The following OSBPL1A variants were observed in gnomAD, a reference collection of about 807,000 sequenced individuals.
OSBPL1A encodes oxysterol binding protein like 1A.
Under a neutral mutation model 137.1 loss-of-function variants are expected in OSBPL1A, and 80 were observed. That is an observed-to-expected ratio of 0.58 (90% CI 0.49 to 0.70). The LOEUF (loss-of-function observed/expected upper bound fraction) is 0.70, where lower values mean the gene tolerates loss of function less well. OSBPL1A is among the 30% of genes least tolerant of loss of function. OSBPL1A has a pLI of 0.00. For synonymous variants in OSBPL1A, 365 were observed against 389.7 expected (o/e 0.94, Z 0.75); for missense variants, 970 against 1,129.4 (o/e 0.86, Z 2.02).
intron 18 of OSBPL1A, among the ~76,000 whole-genome samples, chr18:24,186,980 C>T (rs150000667): frequency 6.5e-4 from 98 of 151,386 alleles, no homozygotes; most frequent in South Asian, 1.3e-3. Flanking sequence ...AGCCTCATAC[C>T]GCAGCAGCTG....
chr18:24,242,363 A>C (rs1024824848), intron 15 of OSBPL1A, among the ~76,000 whole-genome samples: 3 of 152,028 alleles, frequency 2.0e-5, no homozygotes, highest in Admixed American at 6.6e-5. Flanking sequence ...GAAAGAAAAG[A>C]AAAGCACTGG....
At chr18:24,183,944 G>A (rs1484772830) in intron 18 of OSBPL1A, among the ~76,000 whole-genome samples, 2 of 152,136 alleles carry the variant, frequency 1.3e-5, no homozygotes, top group African/African-American at 4.8e-5. Context: ...TTTACTAGCC[G>A]TGTAGCTTTG....
chr18:24,238,762 A>G (rs1567967336), intron 16 of OSBPL1A, among the ~76,000 whole-genome samples: 2 of 152,198 alleles, frequency 1.3e-5, no homozygotes, highest in South Asian at 2.1e-4. Flanking sequence ...CTCCAGACAC[A>G]TGGTGGTCTC....
At chr18:24,347,697 C>G (rs112776415) in intron 4 of OSBPL1A, 10,234 of 151,638 alleles carry the variant, frequency 0.067, 411 homozygotes, top group Non-Finnish European at 0.096. Context: ...CAAAAATTAG[C>G]CGGGCATGGT....
intron 17 of OSBPL1A, among the ~76,000 whole-genome samples, chr18:24,200,648 G>C: frequency 6.6e-6 from 1 of 151,926 alleles, no homozygotes; most frequent in Non-Finnish European, 1.5e-5. Flanking sequence ...CGTGGCTAGT[G>C]GCAACTGTAC....
intron 4 of OSBPL1A, among the ~76,000 whole-genome samples, chr18:24,347,013 G>T (rs559373567): frequency 6.6e-6 from 1 of 151,730 alleles, no homozygotes; most frequent in Non-Finnish European, 1.5e-5. Context: ...GCCTCCCAAA[G>T]TGTTGAGATT....
rs1465835603 is a variant in OSBPL1A, at chr18:24,321,042, A to AAG, written c.626-2234_626-2233insCT. On this transcript the variant is annotated intron_variant, in intron 7 of 27. Coordinates refer to ENST00000319481, the MANE Select transcript of OSBPL1A (RefSeq NM_080597.4). ...AGACTTCGTCTCAAAAAAAAAAAAAAAAAGAAAAGAAAAGAATAATAATAA... is the reference window on the plus strand; with the variant it reads ...AGACTTCGTCTCAAAAAAAAAAAAAAAGAAAGAAAAGAAAAGAATAATAATAA... Among the ~76,000 whole-genome samples the AAG allele has an allele frequency of 4.5e-3, 681 of 150,788 alleles. 2 individuals carry two copies. Among genetic ancestry groups the AAG allele is most frequent in the African/African-American group, 0.016 (637 of 40,834 alleles).
chr18:24,310,362 G>A (rs1389863474), intron 13 of OSBPL1A, among the ~76,000 whole-genome samples: 1 of 150,492 alleles, frequency 6.6e-6, no homozygotes, highest in African/African-American at 2.4e-5. Flanking sequence ...GACGAGGCGG[G>A]TGGATCACAA....
intron 18 of OSBPL1A, among the ~76,000 whole-genome samples, chr18:24,192,709 G>A (rs1411971878): frequency 2.0e-5 from 3 of 152,222 alleles, no homozygotes; most frequent in African/African-American, 7.2e-5. Context: ...GGGGGGCCAA[G>A]ATGACAAATG....
chr18:24,376,932 C>T (rs537572826), intron 2 of OSBPL1A, among the ~76,000 whole-genome samples: 1 of 152,350 alleles, frequency 6.6e-6, no homozygotes, highest in African/African-American at 2.4e-5. Context: ...GGCCCGCAAA[C>T]GCCGCGCGCA....
At chr18:24,272,037 T>C in intron 15 of OSBPL1A, 1 of 981,950 alleles carries the variant, frequency 1.0e-6, no homozygotes, top group Non-Finnish European at 1.2e-6. Context: ...GCGGGCAGCG[T>C]CCGGGCCGCT....
intron 18 of OSBPL1A, among the ~76,000 whole-genome samples, chr18:24,189,858 C>G (rs990567615): frequency 7.9e-5 from 12 of 152,290 alleles, no homozygotes; most frequent in African/African-American, 2.9e-4. Flanking sequence ...ACAGGCCAGC[C>G]ATGGGGGACA....
chr18:24,308,671 T>C (rs997211434), intron 13 of OSBPL1A, among the ~76,000 whole-genome samples: 2 of 152,170 alleles, frequency 1.3e-5, no homozygotes, highest in Non-Finnish European at 2.9e-5. Flanking sequence ...ATGCTGGAAA[T>C]ATTCTATATC....
At chr18:24,207,171 C>G (rs190290513) in intron 17 of OSBPL1A, among the ~76,000 whole-genome samples, 10 of 152,186 alleles carry the variant, frequency 6.6e-5, no homozygotes, top group Non-Finnish European at 1.0e-4. Flanking sequence ...GCAACCTCCG[C>G]CTCCCAGGTT....
chr18:24,164,917 A>G (rs1436350929), intron 27 of OSBPL1A, 148 bp downstream of exon 27: 1 of 721,668 alleles, frequency 1.4e-6, no homozygotes, highest in Non-Finnish European at 2.4e-6. Context: ...GTCAGTGGAA[A>G]TAACTTTTTT....
At chr18:24,287,800 A>C (rs1599618820) in intron 14 of OSBPL1A, among the ~76,000 whole-genome samples, 1 of 151,654 alleles carries the variant, frequency 6.6e-6, no homozygotes, top group Admixed American at 6.6e-5. Flanking sequence ...AATAAAATAA[A>C]ATAAAATAAA....
chr18:24,333,872 T>C (rs889740057), intron 6 of OSBPL1A, among the ~76,000 whole-genome samples: 6 of 152,200 alleles, frequency 3.9e-5, no homozygotes, highest in African/African-American at 1.4e-4. Context: ...GAAAAACTTA[T>C]TCCTTTATAG....
rs146928979 is a variant in OSBPL1A, at chr18:24,198,219, G to A, written c.1602-2019C>T. Reference sequence around the variant, plus strand: ...CCCCCAACAAACGCTGACATTAAATGTATAGACCGTGTGCTACCATTCTAA... The same window carrying A: ...CCCCCAACAAACGCTGACATTAAATATATAGACCGTGTGCTACCATTCTAA... On this transcript the variant is annotated intron_variant, in intron 17 of 27. Transcript: ENST00000319481. Among the ~76,000 whole-genome samples the A allele has an allele frequency of 1.4e-4, 22 of 152,322 alleles. No homozygotes were observed. The East Asian group carries it at 4.1e-3, about 28-fold the overall frequency.
chr18:24,236,643 A>G (rs2088486347), intron 16 of OSBPL1A, among the ~76,000 whole-genome samples: 1 of 152,156 alleles, frequency 6.6e-6, no homozygotes, highest in East Asian at 1.9e-4. Context: ...GGCAAGGAGA[A>G]TATGCTTGGC....
Sources: allele counts gnomAD v4.1 joint callset (sites outside exome capture counted in the v4.1 genomes callset), GRCh38; gene constraint gnomAD v4.1.1; transcripts MANE v1.5; gene names NCBI Gene and HGNC (gene_info 2026-07-23, HGNC 2026-07-21).